Variants in PPP2R1B observed in about 807,000 individuals in gnomAD.
PPP2R1B encodes protein phosphatase 2 scaffold subunit Abeta, also known as serine/threonine-protein phosphatase 2A 65 kDa regulatory subunit A beta isoform.
Under a neutral mutation model 72.7 loss-of-function variants are expected in PPP2R1B, and 58 were observed. The ratio of observed to expected loss-of-function variants is 0.80; its 90% CI spans 0.65 to 0.99. PPP2R1B has a LOEUF of 0.99. PPP2R1B is among the 50% of genes least tolerant of loss of function. PPP2R1B has a pLI of 0.00. For missense variants in PPP2R1B, 695 were observed against 733.6 expected (o/e 0.95, Z 0.61); for synonymous variants, 256 against 264.6 (o/e 0.97, Z 0.32).
chr11:111,697,571 A>G, the PPP2R1B span, among the ~76,000 whole-genome samples: 1 of 152,344 alleles, frequency 6.6e-6, no homozygotes, highest in East Asian at 1.9e-4. Flanking sequence ...TTTTCAAATG[A>G]GGAAACCAAG....
the PPP2R1B span, among the ~76,000 whole-genome samples, chr11:111,694,846 G>A: frequency 6.6e-6 from 1 of 152,042 alleles, no homozygotes; most frequent in Non-Finnish European, 1.5e-5. Context: ...TTTAAGCTAA[G>A]GAAGATTATT....
chr11:111,724,062 G>C (rs780343251), downstream of PPP2R1B: 5 of 1,613,992 alleles, frequency 3.1e-6, no homozygotes, highest in Admixed American at 3.3e-5. Flanking sequence ...GAGCTACCTG[G>C]ACTCTTTGAT....
the PPP2R1B span, chr11:111,688,283 A>C: frequency 3.2e-6 from 3 of 944,418 alleles, no homozygotes; most frequent in Non-Finnish European, 4.8e-6. The surrounding 1 kb of genome is among the most constrained non-coding windows in gnomAD (Gnocchi z 4.2). Context: ...AGGCTATCTC[A>C]AAGTCCATTT....
rs1199464829 is a variant in PPP2R1B at position 111,739,631 on chromosome 11, T to G, written c.*1965A>C. 5.1e-6 allele frequency: 5 copies of G among 985,354 alleles called. No homozygotes were observed. Among genetic ancestry groups the G allele is most frequent in the Non-Finnish European group, 6.0e-6 (5 of 829,946 alleles). 61.0% of individuals were successfully genotyped at this position (985,354 alleles called of 1,614,324 possible). A position where few individuals can be genotyped will look rare whatever the true frequency, so the allele number is the denominator to read the frequency against. On this transcript the variant is annotated 3_prime_UTR_variant, in exon 15 of 15. Coordinates refer to ENST00000527614, the MANE Select transcript of PPP2R1B (RefSeq NM_002716.5). ...GAGACACAAGGGCATTTTAAAAGTC[T>G]GTCCCCAAAACAATGGCATTTCCAA...
At chr11:111,716,905 G>A in the PPP2R1B span, among the ~76,000 whole-genome samples, 1 of 152,060 alleles carries the variant, frequency 6.6e-6, no homozygotes, top group Non-Finnish European at 1.5e-5. Context: ...CTAATATCCA[G>A]CCCATAAGGA....
the PPP2R1B span, among the ~76,000 whole-genome samples, chr11:111,708,934 T>C: frequency 6.6e-6 from 1 of 152,116 alleles, no homozygotes; most frequent in East Asian, 1.9e-4. Context: ...TAACAGTCCT[T>C]CCACTGCAAG....
chr11:111,758,160 G>A (rs556847074), intron 5 of PPP2R1B, among the ~76,000 whole-genome samples: 8 of 152,272 alleles, frequency 5.3e-5, no homozygotes, highest in South Asian at 4.1e-4. Context: ...AATTTTGGTC[G>A]AATACAAATA....
chr11:111,732,730 C>G (rs1255275271), intron 15 of PPP2R1B, among the ~76,000 whole-genome samples: 1 of 152,164 alleles, frequency 6.6e-6, no homozygotes, highest in Admixed American at 6.5e-5. Flanking sequence ...CAGAGGGACC[C>G]TCCCTGCTGA....
chr11:111,761,253 CAAG>C, intron 3 of PPP2R1B: 2 of 680,150 alleles, frequency 2.9e-6, no homozygotes, highest in South Asian at 3.0e-5. Context: ...GTAGAAAAGC[CAAG>C]ATCTCGTGTC....
the PPP2R1B span, among the ~76,000 whole-genome samples, chr11:111,704,579 G>T: frequency 6.6e-6 from 1 of 152,166 alleles, no homozygotes; most frequent in African/African-American, 2.4e-5. Flanking sequence ...GTTTTCAGTG[G>T]TTCAGATTTG....
At chr11:111,763,161 G>A (rs1555051892) in intron 3 of PPP2R1B, among the ~76,000 whole-genome samples, 2 of 152,182 alleles carry the variant, frequency 1.3e-5, no homozygotes, top group Admixed American at 6.5e-5. Context: ...GAATGACAAG[G>A]AGCCAGCCAC....
the PPP2R1B span, among the ~76,000 whole-genome samples, chr11:111,706,835 T>C: frequency 6.6e-6 from 1 of 151,410 alleles, no homozygotes; most frequent in African/African-American, 2.4e-5. Flanking sequence ...CAGTGAGCAC[T>C]TGTAGTCCCA....
In PPP2R1B at chr11:111,755,046, C is replaced by T. The variant is rs918386063; in HGVS notation, c.892G>A (p.Ala298Thr). The change falls in exon 7 of 15, where the codon GCC becomes ACC. Residue 298 changes from alanine (A) to threonine (T), a missense_variant. Physicochemically the swap from Ala to Thr is moderately conservative, Grantham distance 58. Transcript: ENST00000527614. The stretch of plus-strand genomic sequence containing the variant: ...CAGTCTTTAAGTAGGTTCTGAAAGG[C>T]GGGGATGAGGTCATTTAGGGTGATT... ...PKITLNDLIP[A>T]FQNLLKDCEA... 4.3e-6 allele frequency: 7 copies of T among 1,614,000 alleles called. No individual in the cohort carries two copies. Among genetic ancestry groups the T allele is most frequent in the African/African-American group, 4.0e-5 (3 of 75,010 alleles).
At chr11:111,719,629 A>G in the PPP2R1B span, 84 of 800,438 alleles carry the variant, frequency 1.0e-4, no homozygotes, top group Admixed American at 1.7e-4. Context: ...CTTCTAATCT[A>G]TGTGTTGTCA....
downstream of PPP2R1B, chr11:111,722,873 G>A (rs112610621): frequency 1.0e-4 from 92 of 882,828 alleles, no homozygotes; most frequent in Non-Finnish European, 1.3e-4. This position sits in a 1 kb window ranked among gnomAD's most constrained non-coding sequence, Gnocchi z 4.4. Flanking sequence ...GGTTTTCTGC[G>A]TGTGTCACAG....
the PPP2R1B span, chr11:111,721,789 C>T: frequency 2.6e-6 from 4 of 1,516,642 alleles, no homozygotes; most frequent in Non-Finnish European, 3.6e-6. Context: ...CGTTTTTCCC[C>T]ATGGGGAATT....
At chr11:111,699,579 T>C in the PPP2R1B span, among the ~76,000 whole-genome samples, 2 of 152,242 alleles carry the variant, frequency 1.3e-5, no homozygotes, top group East Asian at 3.8e-4. Flanking sequence ...GTAGTTCTCA[T>C]AACTTCATAG....
intron 15 of PPP2R1B, chr11:111,729,476 T>C (rs1944109332): frequency 6.6e-6 from 1 of 152,276 alleles, no homozygotes; most frequent in African/African-American, 2.4e-5. Context: ...TTTTCACAGC[T>C]GAAGAAACCA....
downstream of PPP2R1B, chr11:111,724,139 A>G: frequency 6.2e-7 from 1 of 1,600,874 alleles, no homozygotes; most frequent in East Asian, 2.2e-5. Context: ...GTCTCAGCAC[A>G]GGAATTGAGG....
Sources: gnomAD v4.1 joint callset for allele counts (sites outside exome capture counted in the v4.1 genomes callset) on GRCh38, gnomAD v4.1.1 for gene constraint, Gnocchi (gnomAD v3.1) non-coding constraint, MANE v1.5 for transcripts, NCBI Gene and HGNC (gene_info 2026-07-23, HGNC 2026-07-21) for gene names.